Variants in TRIM2 observed in about 807,000 individuals in gnomAD.
TRIM2 encodes the protein tripartite motif-containing protein 2.
In TRIM2, 20 loss-of-function variants were observed where a neutral mutation model predicts 75.2. The observed-to-expected ratio is 0.27, with a 90% CI of 0.19 to 0.39. The LOEUF (loss-of-function observed/expected upper bound fraction) is 0.39. Ranked by LOEUF, TRIM2 falls within the 10% of genes least tolerant of loss-of-function variation. The probability of loss-of-function intolerance (pLI) is 1.00; values close to 1 mark genes in which losing one functional copy is unlikely to be tolerated. For synonymous variants in TRIM2, 373 were observed against 388.3 expected, an observed-to-expected ratio of 0.96 and a Z score of 0.46; for missense variants, 660 against 990.8, an observed-to-expected ratio of 0.67 and a Z score of 4.48.
intron 1 of TRIM2, among the ~76,000 whole-genome samples, chr4:153,220,448 A>G (rs1194495851): frequency 6.6e-6 from 1 of 152,198 alleles, no homozygotes; most frequent in Non-Finnish European, 1.5e-5. Flanking sequence ...GAAATGTATT[A>G]AAGACTATTA....
intron 1 of TRIM2, chr4:153,257,441 T>C (rs1323846018): frequency 1.6e-6 from 2 of 1,219,702 alleles, no homozygotes; most frequent in Admixed American, 5.9e-5. Context: ...TTGGTGTGAA[T>C]ACTGAAGGGG....
At chr4:153,270,121 G>A (rs1369522340) in intron 1 of TRIM2, among the ~76,000 whole-genome samples, 2 of 151,904 alleles carry the variant, frequency 1.3e-5, no homozygotes, top group Non-Finnish European at 2.9e-5. Flanking sequence ...GTAGAGACGG[G>A]GTTTCACTGT....
intron 3 of TRIM2, among the ~76,000 whole-genome samples, chr4:153,285,477 C>A (rs1246442807): frequency 1.3e-5 from 2 of 152,006 alleles, no homozygotes; most frequent in Non-Finnish European, 2.9e-5. Context: ...ATGTTATATT[C>A]TTTTTGATAA....
intron 8 of TRIM2, among the ~76,000 whole-genome samples, chr4:153,318,662 T>C (rs1009960302): frequency 6.6e-6 from 1 of 152,238 alleles, no homozygotes; most frequent in Non-Finnish European, 1.5e-5. Context: ...CATTTGTTTA[T>C]GTTTTATACT....
At chr4:153,192,047 G>T (rs774459846) in intron 1 of TRIM2, among the ~76,000 whole-genome samples, 1 of 151,932 alleles carries the variant, frequency 6.6e-6, no homozygotes, top group African/African-American at 2.4e-5. Flanking sequence ...CCATCTCCAC[G>T]TACCCCTTTT....
chr4:153,325,632 G>A (rs1561019241), intron 10 of TRIM2, among the ~76,000 whole-genome samples: 1 of 152,178 alleles, frequency 6.6e-6, no homozygotes, highest in Admixed American at 6.5e-5. Context: ...ACTTTGTAGA[G>A]GAATCATTCA....
In TRIM2 at chr4:153,248,781, T is replaced by C. The variant is rs1299101621; in HGVS notation, c.31-21554T>C. On this transcript the variant is annotated intron_variant, in intron 1 of 11. Coordinates refer to ENST00000338700, the MANE Select transcript of TRIM2 (RefSeq NM_015271.5). This position sits in a 1 kb window ranked among gnomAD's most constrained non-coding sequence, Gnocchi z 4.0. ...GGAAAATACTCTTCTGGTAACATGT[T>C]GGAGGGGCAGCCTTCTGAGGATGGT... Among the ~76,000 whole-genome samples the C allele has an allele frequency of 1.3e-5, 2 of 152,246 alleles. No individual in the cohort carries two copies. Among genetic ancestry groups the C allele is most frequent in the Non-Finnish European group, 2.9e-5 (2 of 68,044 alleles).
At chr4:153,294,586 A>G (rs2150139816) in intron 5 of TRIM2, 101 bp downstream of exon 5, 1 of 1,242,056 alleles carries the variant, frequency 8.1e-7, no homozygotes, top group East Asian at 2.5e-5. Flanking sequence ...AAGTGTCATC[A>G]TTGTATAGTA....
intron 1 of TRIM2, among the ~76,000 whole-genome samples, chr4:153,231,884 C>T (rs1454476424): frequency 6.6e-6 from 1 of 152,174 alleles, no homozygotes; most frequent in African/African-American, 2.4e-5. Context: ...TAAAGACCTA[C>T]ACTGTACAGG....
chr4:153,184,419 CT>C (rs1389053236), intron 1 of TRIM2, among the ~76,000 whole-genome samples: 1 of 152,162 alleles, frequency 6.6e-6, no homozygotes, highest in Non-Finnish European at 1.5e-5. Context: ...AGGGTCCAGC[CT>C]TATGACCTCG....
chr4:153,249,379 G>A (rs1447521935), intron 1 of TRIM2, among the ~76,000 whole-genome samples: 1 of 152,256 alleles, frequency 6.6e-6, no homozygotes, highest in Non-Finnish European at 1.5e-5. Context: ...CGCCTGGCAT[G>A]CGTGGCCGGG....
chr4:153,298,912 GT>G (rs1175131272), intron 6 of TRIM2, among the ~76,000 whole-genome samples: 11 of 149,538 alleles, frequency 7.4e-5, no homozygotes, highest in East Asian at 3.9e-4. Flanking sequence ...TTTTGTTTTT[GT>G]TTTTTTTTAG....
chr4:153,298,464 C>T (rs942450762), intron 6 of TRIM2, among the ~76,000 whole-genome samples: 1 of 152,168 alleles, frequency 6.6e-6, no homozygotes, highest in Non-Finnish European at 1.5e-5. Context: ...GGCTCAGCCC[C>T]TATTGTCTCT....
At chr4:153,244,042 A>T (rs2149859313) in intron 1 of TRIM2, among the ~76,000 whole-genome samples, 1 of 151,886 alleles carries the variant, frequency 6.6e-6, no homozygotes, top group South Asian at 2.1e-4. Context: ...CTAGTCTGGA[A>T]ATCCTAGCTT....
chr4:153,242,204 G>T (rs1228081350), intron 1 of TRIM2, among the ~76,000 whole-genome samples: 5 of 152,290 alleles, frequency 3.3e-5, no homozygotes, highest in Non-Finnish European at 1.5e-5. Flanking sequence ...ATGTAACTCC[G>T]CTCTTACATG....
chr4:153,180,769 C>T (rs1579356230), intron 1 of TRIM2, among the ~76,000 whole-genome samples: 1 of 152,364 alleles, frequency 6.6e-6, no homozygotes, highest in African/African-American at 2.4e-5. Flanking sequence ...TGAGCCACAG[C>T]ACCTGGCCAC....
intron 6 of TRIM2, among the ~76,000 whole-genome samples, chr4:153,312,701 T>C (rs769055073): frequency 7.2e-5 from 11 of 152,114 alleles, no homozygotes; most frequent in Non-Finnish European, 4.4e-5. Context: ...GCCATCCCAT[T>C]ACTGGGTATA....
At chr4:153,282,598 A>G (rs1759586444) in intron 3 of TRIM2, among the ~76,000 whole-genome samples, 1 of 152,158 alleles carries the variant, frequency 6.6e-6, no homozygotes, top group South Asian at 2.1e-4. Context: ...TAATATTTCA[A>G]CAATTTTATT....
At chr4:153,310,225 C>T (rs1765958046) in intron 6 of TRIM2, 1 of 152,048 alleles carries the variant, frequency 6.6e-6, no homozygotes, top group Non-Finnish European at 1.5e-5. Context: ...ATGTAACCAT[C>T]AAATGAAATC....
Sources: gnomAD v4.1 joint callset for allele counts (sites outside exome capture counted in the v4.1 genomes callset) on GRCh38, gnomAD v4.1.1 for gene constraint, Gnocchi (gnomAD v3.1) non-coding constraint, MANE v1.5 for transcripts, NCBI Gene and HGNC (gene_info 2026-07-23, HGNC 2026-07-21) for gene names.